The following CLSTN2 variants were observed in gnomAD, a reference collection of about 807,000 sequenced individuals.
CLSTN2 encodes the protein calsyntenin-2.
A neutral mutation model predicts 101.2 loss-of-function variants in CLSTN2; 48 were observed. The observed-to-expected ratio is 0.47, with a 90% CI of 0.38 to 0.60. CLSTN2 has a LOEUF of 0.60. Ranked by LOEUF, CLSTN2 falls within the 20% of genes least tolerant of loss-of-function variation. The pLI is 0.00. For synonymous variants in CLSTN2, 481 were observed against 463.6 expected (o/e 1.04, Z -0.48); for missense variants, 1,160 against 1,238.2 (o/e 0.94, Z 0.95).
At chr3:140,357,594 T>C (rs559317340) in intron 2 of CLSTN2, among the ~76,000 whole-genome samples, 1 of 152,178 alleles carries the variant, frequency 6.6e-6, no homozygotes, top group East Asian at 1.9e-4. Flanking sequence ...AGATGGTCCC[T>C]TTTGTGAGGG....
Position 140,511,541 on chromosome 3 carries a change from CTTTTTTT to C in CLSTN2, c.1345-20763_1345-20757del, listed in dbSNP as rs59924727. ...TGTGCCAGTATCTGCTGTTTCTGGA[CTTTTTTT>C]TTTTTTTTTTTTTTTTTTTGAGACA... On this transcript the variant is annotated intron_variant, in intron 8 of 16. Coordinates refer to ENST00000458420, the MANE Select transcript of CLSTN2 (RefSeq NM_022131.3). 1.3e-4 allele frequency among the ~76,000 whole-genome samples: 9 copies of C among 70,882 alleles called. 1 individual carries two copies. Among genetic ancestry groups the C allele is most frequent in the African/African-American group, 3.4e-4 (5 of 14,642 alleles). The allele number at this position is 70,882 out of a possible 152,430, so 46.5% of individuals were successfully genotyped here.
intron 8 of CLSTN2, among the ~76,000 whole-genome samples, chr3:140,485,385 A>G (rs904379337): frequency 6.6e-6 from 1 of 152,204 alleles, no homozygotes; most frequent in African/African-American, 2.4e-5. Context: ...TGCCTCCCAG[A>G]TAGGCTACTT....
At chr3:140,544,750 G>A (rs904895582) in intron 9 of CLSTN2, among the ~76,000 whole-genome samples, 1 of 151,932 alleles carries the variant, frequency 6.6e-6, no homozygotes, top group Non-Finnish European at 1.5e-5. Flanking sequence ...GCAGAGAGAG[G>A]GTATGCAGGG....
intron 8 of CLSTN2, among the ~76,000 whole-genome samples, chr3:140,496,838 C>A (rs1934476540): frequency 6.6e-6 from 1 of 152,076 alleles, no homozygotes; most frequent in African/African-American, 2.4e-5. Flanking sequence ...CGCGGTGGCT[C>A]ACACCTGTAA....
At chr3:140,472,626 T>C (rs1250572821) in intron 8 of CLSTN2, among the ~76,000 whole-genome samples, 1 of 152,226 alleles carries the variant, frequency 6.6e-6, no homozygotes, top group Non-Finnish European at 1.5e-5. Flanking sequence ...TCCCTGCCTG[T>C]GCCCTGCCCT....
At chr3:139,948,753 C>A (rs1371375520) in intron 1 of CLSTN2, among the ~76,000 whole-genome samples, 2 of 152,142 alleles carry the variant, frequency 1.3e-5, no homozygotes, top group African/African-American at 2.4e-5. Context: ...CTTCCAGATA[C>A]ACACACACAG....
intron 1 of CLSTN2, among the ~76,000 whole-genome samples, chr3:140,102,572 GGAAGTAA>G (rs2008985842): frequency 6.6e-6 from 1 of 152,216 alleles, no homozygotes; most frequent in Admixed American, 6.5e-5. Context: ...CCACAAGCCA[GGAAGTAA>G]TTTCCTTATG....
intron 1 of CLSTN2, among the ~76,000 whole-genome samples, chr3:140,069,670 C>A (rs778595619): frequency 1.3e-5 from 2 of 152,214 alleles, no homozygotes; most frequent in South Asian, 4.1e-4. Context: ...GAGAAGTTCA[C>A]ATCTTCCCTT....
intron 8 of CLSTN2, among the ~76,000 whole-genome samples, chr3:140,527,295 A>C (rs1935163676): frequency 6.6e-6 from 1 of 152,232 alleles, no homozygotes; most frequent in Admixed American, 6.5e-5. Flanking sequence ...TCAAAAGAAG[A>C]TGTAAAATTG....
chr3:140,020,670 T>C (rs192313387), intron 1 of CLSTN2, among the ~76,000 whole-genome samples: 39 of 152,266 alleles, frequency 2.6e-4, no homozygotes, highest in Non-Finnish European at 4.1e-4. Flanking sequence ...TGACCACTAA[T>C]AGCATCTTCT....
chr3:140,464,262 A>G (rs543206485), intron 7 of CLSTN2, among the ~76,000 whole-genome samples: 5 of 152,310 alleles, frequency 3.3e-5, no homozygotes, highest in South Asian at 2.1e-4. Context: ...TCCTTTCCCT[A>G]TTGTGGGCCA....
At chr3:140,270,383 A>G (rs1423700516) in intron 2 of CLSTN2, among the ~76,000 whole-genome samples, 1 of 152,198 alleles carries the variant, frequency 6.6e-6, no homozygotes, top group African/African-American at 2.4e-5. Context: ...TGTGGGAGAC[A>G]GGATGCTTTG....
In CLSTN2 at chr3:140,135,090, ACACACACACAC is replaced by A. The variant is rs2009587906; in HGVS notation, c.110-40860_110-40850del. On this transcript the variant is annotated intron_variant, in intron 1 of 16. Coordinates refer to ENST00000458420, the MANE Select transcript of CLSTN2 (RefSeq NM_022131.3). ...CCAGGGTGATGCCTCTCAAAAAAAC[ACACACACACAC>A]ACACACACACACACACATATATATA... Among the ~76,000 whole-genome samples, 37 of 37,698 alleles carry A rather than the reference ACACACACACAC, an allele frequency of 9.8e-4. 1 individual carries two copies. Among genetic ancestry groups the A allele is most frequent in the South Asian group, 2.7e-3 (3 of 1,118 alleles). The allele number at this position is 37,698 out of a possible 152,430, so 24.7% of individuals were successfully genotyped here. A position where few individuals can be genotyped will look rare whatever the true frequency, so the allele number is the denominator to read the frequency against.
At chr3:140,186,348 A>C (rs571860434) in intron 2 of CLSTN2, among the ~76,000 whole-genome samples, 33 of 152,304 alleles carry the variant, frequency 2.2e-4, no homozygotes, top group Non-Finnish European at 4.0e-4. Flanking sequence ...CCCACCACAA[A>C]TATTAATTAT....
intron 1 of CLSTN2, among the ~76,000 whole-genome samples, chr3:139,965,489 G>C (rs987701722): frequency 6.6e-6 from 1 of 152,296 alleles, no homozygotes; most frequent in Admixed American, 6.5e-5. Context: ...CATGGTCTCA[G>C]GGCCTCCCTT....
intron 2 of CLSTN2, among the ~76,000 whole-genome samples, chr3:140,351,340 A>G (rs2087604658): frequency 6.6e-6 from 1 of 152,230 alleles, no homozygotes; most frequent in South Asian, 2.1e-4. Flanking sequence ...AGAGATACCT[A>G]AGTGAGATAC....
At chr3:140,335,669 A>C (rs1460846000) in intron 2 of CLSTN2, among the ~76,000 whole-genome samples, 1 of 152,216 alleles carries the variant, frequency 6.6e-6, no homozygotes, top group Non-Finnish European at 1.5e-5. Context: ...ACTGATTACT[A>C]TTATTTGTAA....
chr3:140,391,517 G>A (rs2088113927), intron 2 of CLSTN2, among the ~76,000 whole-genome samples: 1 of 152,052 alleles, frequency 6.6e-6, no homozygotes, highest in Admixed American at 6.6e-5. Flanking sequence ...AACATGTGCA[G>A]TACATGACAT....
intron 5 of CLSTN2, among the ~76,000 whole-genome samples, chr3:140,427,469 A>G (rs1172918638): frequency 6.6e-6 from 1 of 151,880 alleles, no homozygotes; most frequent in Non-Finnish European, 1.5e-5. Flanking sequence ...CATTTTAGAG[A>G]AAAGATCAAT....
Sources: gnomAD v4.1 joint callset for allele counts (sites outside exome capture counted in the v4.1 genomes callset) on GRCh38, gnomAD v4.1.1 for gene constraint, MANE v1.5 for transcripts, NCBI Gene and HGNC (gene_info 2026-07-23, HGNC 2026-07-21) for gene names.